Variants in ADGRA3 observed in about 807,000 individuals in gnomAD.
ADGRA3 encodes adhesion G protein-coupled receptor A3, also known as G-protein coupled receptor 125.
ADGRA3 carries 56 observed loss-of-function variants against 119.8 expected under a neutral mutation model. The ratio of observed to expected loss-of-function variants is 0.47; its 90% CI spans 0.38 to 0.58. The LOEUF is 0.58. ADGRA3 is among the 20% of genes least tolerant of loss of function. ADGRA3 has a pLI of 0.00. For synonymous variants in ADGRA3, 607 were observed against 623.8 expected, an observed-to-expected ratio of 0.97 and a Z score of 0.40; for missense variants, 1,516 against 1,649.0, an observed-to-expected ratio of 0.92 and a Z score of 1.40.
At chr4:22,449,724 T>TA (rs1716964293) in intron 4 of ADGRA3, among the ~76,000 whole-genome samples, 1 of 152,006 alleles carries the variant, frequency 6.6e-6, no homozygotes, top group African/African-American at 2.4e-5. Context: ...TGTGTGCCTA[T>TA]AGTCCCTGCT....
chr4:22,481,324 TC>T (rs1336828680), intron 1 of ADGRA3, among the ~76,000 whole-genome samples: 1 of 152,180 alleles, frequency 6.6e-6, no homozygotes, highest in Non-Finnish European at 1.5e-5. Context: ...TTCAGTGCTT[TC>T]CTTCATTTAC....
intron 10 of ADGRA3, among the ~76,000 whole-genome samples, chr4:22,425,231 G>A (rs971961303): frequency 1.3e-5 from 2 of 152,140 alleles, no homozygotes; most frequent in Non-Finnish European, 2.9e-5. Flanking sequence ...CCTATACCTA[G>A]AATGAACTGC....
intron 1 of ADGRA3, among the ~76,000 whole-genome samples, chr4:22,510,118 A>G (rs1274226042): frequency 6.6e-6 from 1 of 152,026 alleles, no homozygotes; most frequent in Non-Finnish European, 1.5e-5. Context: ...CCATACAGTC[A>G]TTCTCAGACT....
intron 6 of ADGRA3, among the ~76,000 whole-genome samples, chr4:22,444,410 C>A (rs192023358): frequency 2.0e-5 from 3 of 152,006 alleles, no homozygotes; most frequent in Non-Finnish European, 4.4e-5. Flanking sequence ...CTCAGCCTCT[C>A]GAGTAGCTGA....
intron 16 of ADGRA3, among the ~76,000 whole-genome samples, chr4:22,397,701 T>A (rs112449366): frequency 1.3e-5 from 2 of 152,086 alleles, no homozygotes; most frequent in Non-Finnish European, 2.9e-5. Context: ...CGAAAGTGAA[T>A]AACTTTCATG....
At chr4:22,405,184 C>G (rs938726389) in intron 14 of ADGRA3, among the ~76,000 whole-genome samples, 1 of 152,076 alleles carries the variant, frequency 6.6e-6, no homozygotes, top group African/African-American at 2.4e-5. Context: ...ATAAAACATT[C>G]GACTAAAAGC....
chr4:22,456,523 C>T (rs1413649001), intron 3 of ADGRA3, among the ~76,000 whole-genome samples: 1 of 152,186 alleles, frequency 6.6e-6, no homozygotes, highest in Non-Finnish European at 1.5e-5. Context: ...CTTTTGGACT[C>T]TGGAACTTGC....
chr4:22,425,352 C>T (rs543612479), intron 10 of ADGRA3, among the ~76,000 whole-genome samples: 9 of 152,086 alleles, frequency 5.9e-5, no homozygotes, highest in Non-Finnish European at 1.0e-4. Flanking sequence ...TCTTTTTATT[C>T]GCTCACTTCG....
At chr4:22,512,488 TACTTGTAA>T (rs1256002741) in intron 1 of ADGRA3, among the ~76,000 whole-genome samples, 1 of 152,220 alleles carries the variant, frequency 6.6e-6, no homozygotes, top group Non-Finnish European at 1.5e-5. Context: ...AACGTGATCT[TACTTGTAA>T]ACAGGGTCTT....
chr4:22,504,575 T>C (rs1440764860), intron 1 of ADGRA3, among the ~76,000 whole-genome samples: 1 of 152,124 alleles, frequency 6.6e-6, no homozygotes, highest in Non-Finnish European at 1.5e-5. Context: ...GCTTTACCAA[T>C]AGTCGTTTTT....
intron 1 of ADGRA3, among the ~76,000 whole-genome samples, chr4:22,505,647 A>C (rs1719211208): frequency 4.7e-5 from 2 of 42,178 alleles, no homozygotes; most frequent in African/African-American, 2.7e-4. Flanking sequence ...ACTCTGTCTC[A>C]AAAAAAAAAA....
intron 4 of ADGRA3, among the ~76,000 whole-genome samples, chr4:22,448,745 G>C (rs958572630): frequency 1.3e-5 from 2 of 152,184 alleles, no homozygotes; most frequent in Non-Finnish European, 2.9e-5. Flanking sequence ...GAACAACACT[G>C]GATTGGTTTT....
intron 16 of ADGRA3, among the ~76,000 whole-genome samples, chr4:22,400,885 A>G (rs1714606354): frequency 6.6e-6 from 1 of 152,112 alleles, no homozygotes; most frequent in Non-Finnish European, 1.5e-5. Context: ...AATGTTACGT[A>G]TTTTCTATTC....
chr4:22,403,271 G>A (rs1009331875), intron 14 of ADGRA3, among the ~76,000 whole-genome samples: 1 of 151,998 alleles, frequency 6.6e-6, no homozygotes, highest in Non-Finnish European at 1.5e-5. Flanking sequence ...AAATACAAAC[G>A]GACCAAACAC....
intron 4 of ADGRA3, among the ~76,000 whole-genome samples, chr4:22,454,394 T>A (rs1197281610): frequency 1.3e-5 from 2 of 152,152 alleles, no homozygotes; most frequent in Admixed American, 6.5e-5. Flanking sequence ...ACAATTCAAA[T>A]GTTTATTTTC....
intron 2 of ADGRA3, among the ~76,000 whole-genome samples, chr4:22,464,658 C>G (rs1401382897): frequency 6.6e-6 from 1 of 152,206 alleles, no homozygotes; most frequent in Non-Finnish European, 1.5e-5. Flanking sequence ...CCCCATGCAG[C>G]TTTCTCTTGG....
chr4:22,413,697 T>G lies in ADGRA3; in HGVS notation c.1927A>C (p.Asn643His), dbSNP rs767514267. Reference sequence around the variant, plus strand: ...CCAGTGGCTGGAAAAAGCTTTCCATTGCGGAATGCAATGAGTTGAAGCTTG... The same window carrying G: ...CCAGTGGCTGGAAAAAGCTTTCCATGGCGGAATGCAATGAGTTGAAGCTTG... ...LYKLQLIAFR[N>H]GKLFPATGNS... The change falls in exon 13 of 19, where the codon AAT (asparagine) becomes CAT (histidine). Residue 643 changes from asparagine (N) to histidine (H), a missense_variant. Transcript: ENST00000334304. 3 of 1,613,984 alleles carry G rather than the reference T, an allele frequency of 1.9e-6. No individual in the cohort carries two copies. Among genetic ancestry groups the G allele is most frequent in the Non-Finnish European group, 2.5e-6 (3 of 1,179,916 alleles).
chr4:22,461,933 A>C (rs772369772), intron 2 of ADGRA3, 125 bp from the exon 3 acceptor site: 15 of 541,044 alleles, frequency 2.8e-5, no homozygotes, highest in Non-Finnish European at 4.1e-5. Flanking sequence ...CTGAAGCCAA[A>C]AGGGTTAAGC....
intron 12 of ADGRA3, among the ~76,000 whole-genome samples, chr4:22,417,092 A>C (rs1478584169): frequency 6.6e-6 from 1 of 152,144 alleles, no homozygotes; most frequent in Admixed American, 6.5e-5. Flanking sequence ...GACTTTAAAC[A>C]GACAGATGCT....
Sources: allele counts gnomAD v4.1 joint callset (sites outside exome capture counted in the v4.1 genomes callset), GRCh38; gene constraint gnomAD v4.1.1; transcripts MANE v1.5; gene names NCBI Gene and HGNC (gene_info 2026-07-23, HGNC 2026-07-21).